The following RASA3 variants were observed in gnomAD, a reference collection of about 807,000 sequenced individuals.
The protein encoded by RASA3 is RAS p21 protein activator 3, also known as ras GTPase-activating protein 3.
RASA3 carries 73 observed loss-of-function variants against 110.0 expected under a neutral mutation model. The ratio of observed to expected loss-of-function variants is 0.66; its 90% CI spans 0.55 to 0.81. The LOEUF is 0.81. RASA3 is among the 30% of genes least tolerant of loss of function. RASA3 has a pLI of 0.00. For missense variants in RASA3, 976 were observed against 1,113.2 expected (o/e 0.88, Z 1.75); for synonymous variants, 500 against 451.4 (o/e 1.11, Z -1.37).
At chr13:114,021,364 C>G in intron 9 of RASA3, 40 bp downstream of exon 9, 2 of 1,580,156 alleles carry the variant, frequency 1.3e-6, no homozygotes, top group South Asian at 2.2e-5. Context: ...TTTTGTGGCT[C>G]TCAGAGATGC....
At chr13:114,031,452 T>A (rs893088722) in intron 4 of RASA3, among the ~76,000 whole-genome samples, 4 of 150,918 alleles carry the variant, frequency 2.7e-5, no homozygotes, top group African/African-American at 9.8e-5. Context: ...TGTCTACCTG[T>A]CTGTAGTGTG....
chr13:113,979,991 G>A (rs542675806), intron 23 of RASA3, among the ~76,000 whole-genome samples: 2 of 145,930 alleles, frequency 1.4e-5, no homozygotes, highest in Admixed American at 1.4e-4. Flanking sequence ...TCCCATGTGT[G>A]TGCACCCCTC....
chr13:113,978,168 T>G lies in RASA3; in HGVS notation c.*1179A>C, dbSNP rs1284278229. On this transcript the variant is annotated 3_prime_UTR_variant, in exon 24 of 24. Transcript: ENST00000334062. ...TCTGGAGGGGTCTGCCTGGACCCCA[T>G]TTTTAGGATGCTCCCCTCCCCAATA... is the stretch of plus-strand genomic sequence containing the variant. 1 of 152,246 alleles carries G rather than the reference T, an allele frequency of 6.6e-6. No individual in the cohort carries two copies. The highest frequency in any genetic ancestry group is 1.5e-5 in the Non-Finnish European group (1 of 68,056). The allele number at this position is 152,246 out of a possible 1,614,324, so 9.4% of individuals were successfully genotyped here.
At chr13:114,072,563 G>C (rs1213578895) in intron 2 of RASA3, among the ~76,000 whole-genome samples, 3 of 152,162 alleles carry the variant, frequency 2.0e-5, no homozygotes, top group Non-Finnish European at 4.4e-5. Context: ...ACTCTTTTGT[G>C]GAGTGCGAGC....
At chr13:114,024,142 C>A in intron 8 of RASA3, 137 bp downstream of exon 8, 1 of 925,202 alleles carries the variant, frequency 1.1e-6, no homozygotes. Context: ...CAACTTCTAA[C>A]ATCCTGTTGT....
intron 1 of RASA3, among the ~76,000 whole-genome samples, chr13:114,128,712 C>A (rs2080481124): frequency 6.6e-6 from 1 of 152,248 alleles, no homozygotes; most frequent in African/African-American, 2.4e-5. Flanking sequence ...CAAGCTCCAG[C>A]CTCACAGGAA....
At chr13:114,060,488 C>T (rs561351602) in intron 2 of RASA3, among the ~76,000 whole-genome samples, 7 of 152,320 alleles carry the variant, frequency 4.6e-5, no homozygotes, top group Non-Finnish European at 7.4e-5. Flanking sequence ...GCGGTCAGCC[C>T]GAGAGGCCAC....
intron 1 of RASA3, among the ~76,000 whole-genome samples, chr13:114,110,712 C>T (rs1219386274): frequency 7.2e-5 from 11 of 152,250 alleles, no homozygotes; most frequent in African/African-American, 1.7e-4. Flanking sequence ...GGGCATGACA[C>T]GCACATCACA....
At chr13:114,013,760 A>C (rs1300745776) in intron 14 of RASA3, among the ~76,000 whole-genome samples, 687 of 25,292 alleles carry the variant, frequency 0.027, no homozygotes, top group Non-Finnish European at 0.037. Flanking sequence ...CTCTCTCTCC[A>C]TCTCTCTGTC....
chr13:114,128,074 C>T (rs1326909144), intron 1 of RASA3, among the ~76,000 whole-genome samples: 4 of 152,214 alleles, frequency 2.6e-5, no homozygotes, highest in African/African-American at 9.7e-5. Flanking sequence ...CCTTCGTCCT[C>T]AGGGGTTAAA....
Position 114,018,934 on chromosome 13 carries a change from C to T in RASA3, c.786-15G>A. 1 of 1,613,070 alleles carries T rather than the reference C, an allele frequency of 6.2e-7. No individual in the cohort carries two copies. Among genetic ancestry groups the T allele is most frequent in the South Asian group, 1.1e-5 (1 of 91,038 alleles). On this transcript the variant is annotated splice_polypyrimidine_tract_variant and intron_variant, in intron 9 of 23. Coordinates refer to ENST00000334062, the MANE Select transcript of RASA3 (RefSeq NM_007368.4). The stretch of plus-strand genomic sequence containing the variant: ...GGAGGAAGTACCTGGGTGGGAGGGA[C>T]ACATGGAGGGGAGGCATGAGGCTGC...
At chr13:114,069,608 A>C (rs1390735396) in intron 2 of RASA3, among the ~76,000 whole-genome samples, 1 of 8,920 alleles carries the variant, frequency 1.1e-4, no homozygotes, top group African/African-American at 5.5e-4. Context: ...GACTGGGGGA[A>C]TGGGAGATTC....
intron 15 of RASA3, 35 bp downstream of exon 15, chr13:114,013,107 C>T: frequency 6.3e-7 from 1 of 1,583,772 alleles, no homozygotes; most frequent in Admixed American, 1.8e-5. Context: ...CGCAGGACAG[C>T]TCAGAAAGCC....
chr13:114,004,551 G>A (rs570674759), intron 18 of RASA3, among the ~76,000 whole-genome samples: 1 of 152,062 alleles, frequency 6.6e-6, no homozygotes, highest in Non-Finnish European at 1.5e-5. Flanking sequence ...AGCCACCTGC[G>A]ACCCCAGCTC....
chr13:114,131,968 C>A, intron 1 of RASA3, among the ~76,000 whole-genome samples: 1 of 152,180 alleles, frequency 6.6e-6, no homozygotes, highest in East Asian at 1.9e-4. Flanking sequence ...GAAGGAGCCT[C>A]CACATTCCCC....
chr13:114,039,717 C>G (rs1466489201), intron 4 of RASA3, among the ~76,000 whole-genome samples: 2 of 152,234 alleles, frequency 1.3e-5, no homozygotes, highest in African/African-American at 4.8e-5. Context: ...AAGCCTGGAG[C>G]AGCTGTTGCC....
At chr13:114,107,132 G>T (rs1186990105) in intron 1 of RASA3, among the ~76,000 whole-genome samples, 1 of 152,148 alleles carries the variant, frequency 6.6e-6, no homozygotes, top group Non-Finnish European at 1.5e-5. Flanking sequence ...TGCGGACAGC[G>T]TTCAGGCTCC....
At chr13:114,013,884 G>C (rs1408249800) in intron 14 of RASA3, among the ~76,000 whole-genome samples, 9 of 101,408 alleles carry the variant, frequency 8.9e-5, no homozygotes, top group Non-Finnish European at 1.3e-4. Context: ...CCCTATCTCT[G>C]TCTCTCTCTT....
At chr13:114,032,506 G>A (rs1052088316) in intron 4 of RASA3, among the ~76,000 whole-genome samples, 4 of 152,110 alleles carry the variant, frequency 2.6e-5, no homozygotes, top group African/African-American at 4.8e-5. Context: ...CCCTCGGGGT[G>A]CCTGGGTCGT....
Sources: gnomAD v4.1 joint callset for allele counts (sites outside exome capture counted in the v4.1 genomes callset) on GRCh38, gnomAD v4.1.1 for gene constraint, MANE v1.5 for transcripts, NCBI Gene and HGNC (gene_info 2026-07-23, HGNC 2026-07-21) for gene names.